NDUFS7: variants seen among roughly 807,000 people sequenced by gnomAD.
NDUFS7 encodes the protein NADH dehydrogenase [ubiquinone] iron-sulfur protein 7, mitochondrial.
A neutral mutation model predicts 31.1 loss-of-function variants in NDUFS7; 11 were observed. The ratio of observed to expected loss-of-function variants is 0.35; its 90% CI spans 0.22 to 0.59. The LOEUF (loss-of-function observed/expected upper bound fraction) is 0.59, where lower values mean the gene tolerates loss of function less well. NDUFS7 is among the 20% of genes least tolerant of loss of function. NDUFS7 has a pLI of 0.79. For synonymous variants in NDUFS7, 136 were observed against 127.9 expected, an observed-to-expected ratio of 1.06 and a Z score of -0.43; for missense variants, 263 against 324.2, an observed-to-expected ratio of 0.81 and a Z score of 1.45.
chr19:1,389,631 C>T (rs1310585394), intron 4 of NDUFS7: 1 of 405,242 alleles, frequency 2.5e-6, no homozygotes. Context: ...GTAGATCCTT[C>T]TCGGTACCCG....
chr19:1,386,609 G>A (rs897132921), intron 1 of NDUFS7: 1 of 152,224 alleles, frequency 6.6e-6, no homozygotes, highest in Non-Finnish European at 1.5e-5. Flanking sequence ...TGATTCTCCT[G>A]CCTCAGCCTC....
At chr19:1,387,722 C>G (rs530953010) in intron 1 of NDUFS7, 89 bp from the exon 2 acceptor site, 2 of 1,210,578 alleles carry the variant, frequency 1.7e-6, no homozygotes, top group Admixed American at 1.7e-5. Flanking sequence ...CTAGGCTGTG[C>G]GGGCAGGAGC....
intron 2 of NDUFS7, 86 bp downstream of exon 2, chr19:1,387,933 G>GGGCCGCC: frequency 2.6e-6 from 1 of 385,718 alleles, no homozygotes; most frequent in Non-Finnish European, 5.1e-6. Context: ...GGGGTGGGGG[G>GGGCCGCC]AGCGCCTTGT....
chr19:1,384,450 T>C (rs771630227), intron 1 of NDUFS7, among the ~76,000 whole-genome samples: 7 of 152,200 alleles, frequency 4.6e-5, no homozygotes, highest in Non-Finnish European at 1.0e-4. Flanking sequence ...CCTGTCCTGC[T>C]CCAGGGACTT....
At chr19:1,391,095 G>T (rs1037646280) in intron 5 of NDUFS7, 24 bp from the exon 6 acceptor site, 2 of 1,609,742 alleles carry the variant, frequency 1.2e-6, no homozygotes, top group Non-Finnish European at 1.7e-6. Context: ...AGTGAGCTGC[G>T]CACGGACCCC....
chr19:1,384,378 G>A (rs1338702515), intron 1 of NDUFS7, among the ~76,000 whole-genome samples: 2 of 152,182 alleles, frequency 1.3e-5, no homozygotes, highest in Admixed American at 1.3e-4. Context: ...GGACATCCAC[G>A]CCACCCTGCT....
At chr19:1,394,993 C>T (rs1248677195) in intron 7 of NDUFS7, 7 of 1,135,316 alleles carry the variant, frequency 6.2e-6, no homozygotes, top group Non-Finnish European at 6.5e-6. Flanking sequence ...TCCCTCCGCC[C>T]AGCCTCCCTG....
At chr19:1,394,755 G>T in intron 7 of NDUFS7, 41 of 1,185,270 alleles carry the variant, frequency 3.5e-5, no homozygotes, top group Non-Finnish European at 4.4e-5. Context: ...TGCCAGGTGG[G>T]GCCTGGCCGC....
chr19:1,390,693 G>A, intron 4 of NDUFS7, 178 bp from the exon 5 acceptor site: 1 of 635,296 alleles, frequency 1.6e-6, no homozygotes, highest in South Asian at 1.8e-5. Flanking sequence ...TGGCTGGTGG[G>A]GCGCGCTTTA....
chr19:1,387,825 G>A lies in NDUFS7; in HGVS notation c.31G>A (p.Gly11Ser), dbSNP rs201112782. 74 of 1,611,032 alleles carry A rather than the reference G, an allele frequency of 4.6e-5. 1 individual carries two copies. The highest frequency in any genetic ancestry group is 2.1e-4 in the African/African-American group (16 of 74,732). The change falls in exon 2 of 8, where the codon GGC (glycine) becomes AGC (serine). Residue 11 changes from glycine (G) to serine (S), a missense_variant. By Grantham distance (56) the Gly-to-Ser change is moderately conservative. Transcript: ENST00000233627. Reference protein sequence around the residue: MAVLSAPGLRGFRILGLRSSV... With the variant: MAVLSAPGLRSFRILGLRSSV... Reference sequence around the variant, plus strand: ...CCTCTCTGCAGCTCCTGGCCTGCGCGGCTTCCGGATCCTTGGTCTGCGGTG... The same window carrying A: ...CCTCTCTGCAGCTCCTGGCCTGCGCAGCTTCCGGATCCTTGGTCTGCGGTG...
At chr19:1,387,990 C>A in intron 2 of NDUFS7, 143 bp downstream of exon 2, 1 of 809,382 alleles carries the variant, frequency 1.2e-6, no homozygotes, top group Non-Finnish European at 2.0e-6. Context: ...TGACGGTCTG[C>A]ACGCTGCCCG....
Position 1,387,630 on chromosome 19 carries a change from C to G in NDUFS7, c.17-181C>G. ...CCTTCCGGGGCCATGCAGTCTCAAG[C>G]AGGGGACTAAGACTCTCTCGTGTTC... On this transcript the variant is annotated intron_variant, in intron 1 of 7. Coordinates refer to ENST00000233627, the MANE Select transcript of NDUFS7 (RefSeq NM_024407.5). 3 of 644,378 alleles carry G rather than the reference C, an allele frequency of 4.7e-6. No homozygotes were observed. The South Asian group carries it at 5.1e-5, about 11-fold the overall frequency. The allele number at this position is 644,378 out of a possible 1,614,324, so 39.9% of individuals were successfully genotyped here.
At chr19:1,391,374 G>A (rs982707175) in intron 6 of NDUFS7, among the ~76,000 whole-genome samples, 57 of 152,182 alleles carry the variant, frequency 3.7e-4, no homozygotes, top group Admixed American at 3.1e-3. Flanking sequence ...CCACCCCCAC[G>A]CAGCAGACCC....
At chr19:1,391,199 C>T (rs753700593) in intron 6 of NDUFS7, 34 bp downstream of exon 6, 48 of 1,606,242 alleles carry the variant, frequency 3.0e-5, no homozygotes, top group Non-Finnish European at 3.4e-5. Flanking sequence ...CAGGGACAGA[C>T]GTAGCGTGAG....
chr19:1,389,315 A>G (rs1014275475), intron 4 of NDUFS7: 2 of 477,326 alleles, frequency 4.2e-6, no homozygotes, highest in African/African-American at 4.3e-5. Flanking sequence ...AGTCATGCAC[A>G]CACATGCACA....
intron 7 of NDUFS7, 116 bp from the exon 8 acceptor site, chr19:1,395,275 C>T: frequency 2.7e-6 from 4 of 1,485,652 alleles, no homozygotes; most frequent in Admixed American, 4.3e-5. Flanking sequence ...GGGCTGTCAG[C>T]CTCCACCTTC....
chr19:1,394,622 G>T, intron 7 of NDUFS7: 1 of 1,224,262 alleles, frequency 8.2e-7, no homozygotes, highest in Non-Finnish European at 1.0e-6. Flanking sequence ...CTCCCTCCCA[G>T]CGGACCGCGC....
intron 4 of NDUFS7, chr19:1,390,536 T>C (rs2082547688): frequency 6.4e-6 from 3 of 470,626 alleles, no homozygotes; most frequent in African/African-American, 3.9e-5. Context: ...CGGTTAGACC[T>C]GCGCTACTAC....
chr19:1,391,226 C>T, intron 6 of NDUFS7, 61 bp downstream of exon 6: 1 of 1,567,582 alleles, frequency 6.4e-7, no homozygotes, highest in Non-Finnish European at 8.7e-7. Flanking sequence ...CCTGGCCGTG[C>T]CCTGATGGCG....
Sources: allele counts gnomAD v4.1 joint callset (sites outside exome capture counted in the v4.1 genomes callset), GRCh38; gene constraint gnomAD v4.1.1; transcripts MANE v1.5; gene names NCBI Gene and HGNC (gene_info 2026-07-23, HGNC 2026-07-21).